Variants in CLUL1 observed in about 807,000 individuals in gnomAD.
CLUL1 encodes clusterin like 1, also known as clusterin-like protein 1.
Under a neutral mutation model 49.4 loss-of-function variants are expected in CLUL1, and 43 were observed. The ratio of observed to expected loss-of-function variants is 0.87; its 90% confidence interval spans 0.68 to 1.12. CLUL1 has a LOEUF of 1.12. Among genes scored for constraint, CLUL1 ranks in the 50% most tolerant of loss-of-function variants. The pLI is 0.00. For synonymous variants in CLUL1, 192 were observed against 184.9 expected, an observed-to-expected ratio of 1.04 and a Z score of -0.31; for missense variants, 486 against 544.4, an observed-to-expected ratio of 0.89 and a Z score of 1.07.
In CLUL1 at chr18:649,975, A is replaced by C. The variant is rs1311999957; in HGVS notation, c.*74A>C. 1 of 1,028,620 alleles carries C rather than the reference A, an allele frequency of 9.7e-7. No individual in the cohort carries two copies. The highest frequency in any genetic ancestry group is 2.1e-5 in the Admixed American group (1 of 47,708). The allele number at this position is 1,028,620 out of a possible 1,614,324, so 63.7% of individuals were successfully genotyped here. ...TGGGACCTGGAAATCCTGAAATAAA[A>C]AAGGATAATGCAATAAACACAGTTG... is the stretch of plus-strand genomic sequence containing the variant. On this transcript the variant is annotated 3_prime_UTR_variant, in exon 10 of 10. Coordinates refer to ENST00000692774, the MANE Select transcript of CLUL1 (RefSeq NM_001393344.1).
intron 5 of CLUL1, among the ~76,000 whole-genome samples, chr18:626,861 AAAT>A (rs201488944): frequency 0.032 from 3,459 of 107,032 alleles, 111 homozygotes; most frequent in Middle Eastern, 0.07. Context: ...ACTCCATCTC[AAAT>A]AAGAAAGAAA....
intron 7 of CLUL1, among the ~76,000 whole-genome samples, chr18:637,232 T>C (rs1341568970): frequency 6.6e-6 from 1 of 152,114 alleles, no homozygotes; most frequent in Non-Finnish European, 1.5e-5. Flanking sequence ...GTGATCCACC[T>C]GCCTCGGCCT....
chr18:647,101 TACAC>T (rs1234570078), intron 9 of CLUL1, among the ~76,000 whole-genome samples: 2 of 152,106 alleles, frequency 1.3e-5, no homozygotes, highest in East Asian at 3.9e-4. Context: ...TAAATGTAGA[TACAC>T]ACACAGGCAG....
rs1048228403 is a variant in CLUL1 at position 633,294 on chromosome 18, G to A, written c.857-4G>A. On this transcript the variant is annotated splice_polypyrimidine_tract_variant and splice_region_variant and intron_variant, in intron 6 of 9. Transcript: ENST00000692774. ...CTAACGTGTAAATGTTATGTTCCCT[G>A]TAGCTCCTGACCACGGAGGCCTGAT... 1 of 1,610,374 alleles carries A rather than the reference G, an allele frequency of 6.2e-7. No individual in the cohort carries two copies. Among genetic ancestry groups the A allele is most frequent in the South Asian group, 1.1e-5 (1 of 90,360 alleles).
chr18:612,336 T>G (rs938700494), intron 2 of CLUL1, among the ~76,000 whole-genome samples: 1 of 152,222 alleles, frequency 6.6e-6, no homozygotes, highest in African/African-American at 2.4e-5. Context: ...CTTCTCTCAC[T>G]GCACTCTGCC....
At position 618,985 on chromosome 18, in the gene CLUL1, A is replaced by G. The variant is rs1455086217; in HGVS notation, c.107-228A>G. On this transcript the variant is annotated intron_variant, in intron 3 of 9. Transcript: ENST00000692774. The surrounding 1 kb of genome is among the most constrained non-coding windows in gnomAD (Gnocchi z 4.2). ...GAGCAAGATGACAAGAATGAGGTTC[A>G]GTGAACTCTATTTGTTTAGGCGCTC... Among the ~76,000 whole-genome samples the G allele has an allele frequency of 6.6e-6, 1 of 152,198 alleles. No homozygotes were observed. The highest frequency in any genetic ancestry group is 1.5e-5 in the Non-Finnish European group (1 of 68,042).
Position 645,079 on chromosome 18 carries a change from AG to A in CLUL1, c.1381del (p.Glu461AsnfsTer10). The A allele has an allele frequency of 1.9e-6, 3 of 1,605,262 alleles. No individual in the cohort carries two copies. The South Asian group carries it at 3.4e-5, about 18-fold the overall frequency. ...YVVAKALQHF[K>X]EHFKTW ...GTGGCAAAAGCTCTACAGCATTTTAAGGAACATTTTAAAACCTGGTAAGCAG... is the reference window on the plus strand; with the variant it reads ...GTGGCAAAAGCTCTACAGCATTTTAAGAACATTTTAAAACCTGGTAAGCAG... On this transcript the variant is annotated frameshift_variant, in exon 9 of 10. Coordinates refer to ENST00000692774, the MANE Select transcript of CLUL1 (RefSeq NM_001393344.1). LOFTEE classifies it high-confidence loss of function.
At chr18:642,357 GGAAGGCA>G (rs1567977446) in intron 8 of CLUL1, among the ~76,000 whole-genome samples, 3 of 152,078 alleles carry the variant, frequency 2.0e-5, no homozygotes, top group Non-Finnish European at 2.9e-5. Flanking sequence ...ACTTGAACCC[GGAAGGCA>G]GAGGTTGCAG....
At chr18:600,516 G>A (rs534442682) in intron 1 of CLUL1, among the ~76,000 whole-genome samples, 2 of 149,394 alleles carry the variant, frequency 1.3e-5, no homozygotes, top group South Asian at 4.3e-4. Flanking sequence ...TAGAACAAGG[G>A]ATTTGCAGTT....
chr18:612,861 A>G lies in CLUL1; in HGVS notation c.-13-5127A>G, dbSNP rs548554512. 1.4e-4 allele frequency: 22 copies of G among 157,544 alleles called. No homozygotes were observed. In the South Asian group the frequency reaches 3.1e-3, roughly 22 times the overall value. The allele number at this position is 157,544 out of a possible 1,614,324, so 9.8% of individuals were successfully genotyped here. Reference sequence around the variant, plus strand: ...TGAGTGCCTGATACATTTGCCGAATAAACTATTCCAAGGGTTGAACTTGCT... The same window carrying G: ...TGAGTGCCTGATACATTTGCCGAATGAACTATTCCAAGGGTTGAACTTGCT... On this transcript the variant is annotated intron_variant, in intron 2 of 9. Transcript: ENST00000692774.
In CLUL1 at chr18:631,748, A is replaced by C. The variant is rs186503818; in HGVS notation, c.857-1550A>C. ...AATTACATCACCATATTGTGGGTAA[A>C]ATGGCAGAAGAAGGTATGGAAGAAT... On this transcript the variant is annotated intron_variant, in intron 6 of 9. Coordinates refer to ENST00000692774, the MANE Select transcript of CLUL1 (RefSeq NM_001393344.1). Among the ~76,000 whole-genome samples the C allele has an allele frequency of 4.1e-4, 62 of 152,344 alleles. 1 individual carries two copies. The highest frequency in any genetic ancestry group is 1.1e-3 in the Admixed American group (17 of 15,304).
intron 1 of CLUL1, chr18:598,400 G>A (rs564206953): frequency 5.1e-6 from 2 of 394,362 alleles, no homozygotes; most frequent in South Asian, 2.8e-4. Context: ...CCAGTGTAAA[G>A]GGTCTGAATT....
chr18:645,810 A>T (rs28408123), intron 9 of CLUL1, among the ~76,000 whole-genome samples: 453 of 29,420 alleles, frequency 0.015, 6 homozygotes, highest in Non-Finnish European at 0.019. Context: ...AAAAAAAAAA[A>T]ATATATATAT....
chr18:597,830 G>A (rs2072699463), intron 1 of CLUL1: 1 of 152,200 alleles, frequency 6.6e-6, no homozygotes, highest in Non-Finnish European at 1.5e-5. Flanking sequence ...CAGTATTTGA[G>A]GAAACTGTGG....
chr18:611,234 C>CTTTTT, intron 2 of CLUL1, among the ~76,000 whole-genome samples: 1 of 129,424 alleles, frequency 7.7e-6, no homozygotes, highest in Admixed American at 7.7e-5. Flanking sequence ...CACCCCCCAC[C>CTTTTT]TTTTTTTTTT....
At chr18:626,888 A>G (rs976300582) in intron 5 of CLUL1, among the ~76,000 whole-genome samples, 1 of 548 alleles carries the variant, frequency 1.8e-3, no homozygotes, top group African/African-American at 3.9e-3. Flanking sequence ...AGAAAGAAAG[A>G]AAGAAAGAAA....
intron 2 of CLUL1, among the ~76,000 whole-genome samples, chr18:611,050 G>C (rs2073119626): frequency 1.3e-5 from 2 of 152,060 alleles, no homozygotes; most frequent in Non-Finnish European, 2.9e-5. Context: ...CCGGTCCCAA[G>C]TCCACTTCCC....
At position 627,203 on chromosome 18, in the gene CLUL1, T is replaced by G; in HGVS notation, c.530T>G (p.Leu177Trp). The part of the protein sequence containing the change: ...SEKLIEEDAQ[L>W]TQMEDVFSQL... The stretch of plus-strand genomic sequence containing the variant: ...AAGCTCATTGAGGAAGATGCACAAT[T>G]GACCCAAATGGAGGATGTGTTCAGC... Residue 177 changes from leucine to tryptophan, a missense_variant, in exon 6 of 10, where the codon TTG becomes TGG. Physicochemically the swap from Leu to Trp is moderately conservative, Grantham distance 61. Coordinates refer to ENST00000692774, the MANE Select transcript of CLUL1 (RefSeq NM_001393344.1). The G allele has an allele frequency of 1.2e-6, 2 of 1,613,838 alleles. No individual in the cohort carries two copies. The highest frequency in any genetic ancestry group is 8.5e-7 in the Non-Finnish European group (1 of 1,179,944).
chr18:629,935 T>C (rs769985249), intron 6 of CLUL1, among the ~76,000 whole-genome samples: 1 of 152,150 alleles, frequency 6.6e-6, no homozygotes, highest in Non-Finnish European at 1.5e-5. Flanking sequence ...CTACTGCCCC[T>C]AGAAAATCTG....
Sources: allele counts gnomAD v4.1 joint callset (sites outside exome capture counted in the v4.1 genomes callset), GRCh38; gene constraint gnomAD v4.1.1; non-coding constraint Gnocchi (gnomAD v3.1); transcripts MANE v1.5; gene names NCBI Gene and HGNC (gene_info 2026-07-23, HGNC 2026-07-21).